The following TRAPPC6B variants were observed in gnomAD, a reference collection of about 807,000 sequenced individuals.
The protein encoded by TRAPPC6B is trafficking protein particle complex subunit 6B.
A neutral mutation model predicts 24.7 loss-of-function variants in TRAPPC6B; 27 were observed. The observed-to-expected ratio is 1.09, with a 90% CI of 0.81 to 1.51. The LOEUF (loss-of-function observed/expected upper bound fraction) is 1.51, where lower values mean the gene tolerates loss of function less well. TRAPPC6B is among the 40% of genes most tolerant of loss of function. TRAPPC6B has a pLI of 0.00. For missense variants in TRAPPC6B, 212 were observed against 190.8 expected (o/e 1.11, Z -0.66); for synonymous variants, 80 against 66.6 (o/e 1.20, Z -0.98).
At position 39,149,270 on chromosome 14, in the gene TRAPPC6B, G is replaced by C. The variant is rs1594531075; in HGVS notation, c.*1080C>G. On this transcript the variant is annotated 3_prime_UTR_variant, in exon 6 of 6. Transcript: ENST00000330149. ...CTTAATCTGCCATTTCTATGGCAGA[G>C]TACCCAGTGAAACATCTTGTTTGGT... 6.6e-6 allele frequency: 1 copy of C among 152,190 alleles called. No homozygotes were observed. The highest frequency in any genetic ancestry group is 1.5e-5 in the Non-Finnish European group (1 of 68,078). 9.4% of individuals were successfully genotyped at this position (152,190 alleles called of 1,614,324 possible). A position where few individuals can be genotyped will look rare whatever the true frequency, so the allele number is the denominator to read the frequency against.
At chr14:39,153,267 A>G (rs77911024) in intron 4 of TRAPPC6B, among the ~76,000 whole-genome samples, 5 of 151,750 alleles carry the variant, frequency 3.3e-5, no homozygotes, top group Non-Finnish European at 4.4e-5. Context: ...AAAAAAAAAA[A>G]AGAGAGAAAA....
At chr14:39,153,595 C>T (rs570964106) in intron 4 of TRAPPC6B, among the ~76,000 whole-genome samples, 2 of 149,834 alleles carry the variant, frequency 1.3e-5, no homozygotes, top group African/African-American at 4.9e-5. Context: ...TGTACCACTA[C>T]ACTCCAGCCT....
chr14:39,167,951 C>T (rs1466268377), intron 1 of TRAPPC6B, among the ~76,000 whole-genome samples: 11 of 152,062 alleles, frequency 7.2e-5, no homozygotes, highest in Non-Finnish European at 1.6e-4. Context: ...CAGTGGCTTA[C>T]GCTTGTAATC....
At position 39,161,193 on chromosome 14, in the gene TRAPPC6B, C is replaced by G. The variant is rs141714239; in HGVS notation, c.82-1643G>C. Among the ~76,000 whole-genome samples the G allele has an allele frequency of 1.7e-3, 259 of 152,264 alleles. 2 individuals are homozygous for G. The highest frequency in any genetic ancestry group is 5.8e-3 in the African/African-American group (241 of 41,566). On this transcript the variant is annotated intron_variant, in intron 1 of 5. Coordinates refer to ENST00000330149, the MANE Select transcript of TRAPPC6B (RefSeq NM_001079537.2). ...CTGTGGTTAAGGCTTGTATCTTCAC[C>G]CTTGAAAAGGCCCACATTCTATCAC...
At chr14:39,155,251 A>T (rs946974368) in intron 3 of TRAPPC6B, among the ~76,000 whole-genome samples, 22 of 151,740 alleles carry the variant, frequency 1.4e-4, no homozygotes, top group Non-Finnish European at 7.4e-5. Context: ...TTATTTATTT[A>T]TTTTTTTGAG....
rs1566553504 is a variant in TRAPPC6B, at chr14:39,170,043, A to G, written c.53T>C (p.Val18Ala). ...LLLHNEMVSG[V>A]YKSAEQGEVE... Reference sequence around the variant, plus strand: ...CTCCCCCTGCTCCGCGGACTTGTACACTCCAGACACCATCTCGTTATGGAG... The same window carrying G: ...CTCCCCCTGCTCCGCGGACTTGTACGCTCCAGACACCATCTCGTTATGGAG... The change falls in exon 1 of 6, where the codon GTG becomes GCG. Residue 18 changes from valine (V) to alanine (A), a missense_variant. Coordinates refer to ENST00000330149, the MANE Select transcript of TRAPPC6B (RefSeq NM_001079537.2). 1 of 1,613,978 alleles carries G rather than the reference A, an allele frequency of 6.2e-7. No individual in the cohort carries two copies.
intron 3 of TRAPPC6B, chr14:39,157,493 C>T (rs1255833093): frequency 5.1e-6 from 2 of 390,486 alleles, no homozygotes; most frequent in Non-Finnish European, 1.0e-5. Flanking sequence ...ACCATCTCCA[C>T]CTTGGAGGAG....
intron 3 of TRAPPC6B, among the ~76,000 whole-genome samples, chr14:39,155,077 T>G (rs1179507244): frequency 6.6e-6 from 1 of 151,820 alleles, no homozygotes; most frequent in Non-Finnish European, 1.5e-5. Flanking sequence ...CACAGACACA[T>G]GCCACCACAC....
chr14:39,168,810 T>C (rs1049586847), intron 1 of TRAPPC6B, among the ~76,000 whole-genome samples: 86 of 152,326 alleles, frequency 5.6e-4, no homozygotes, highest in African/African-American at 1.9e-3. Flanking sequence ...CATCTCCTCC[T>C]GCAGTGACTC....
chr14:39,158,604 A>C, intron 2 of TRAPPC6B: 1 of 450,718 alleles, frequency 2.2e-6, no homozygotes, highest in Non-Finnish European at 3.9e-6. Context: ...TGCAACGTCT[A>C]CCTCCCTCCC....
chr14:39,159,743 CTTTTT>C (rs76405968), intron 1 of TRAPPC6B, among the ~76,000 whole-genome samples, 193 bp from the exon 2 acceptor site: 1 of 151,222 alleles, frequency 6.6e-6, no homozygotes. Flanking sequence ...TTACTTTTTA[CTTTTT>C]TTTTGATAAA....
At chr14:39,155,355 C>T (rs1019361629) in intron 3 of TRAPPC6B, among the ~76,000 whole-genome samples, 13 of 152,142 alleles carry the variant, frequency 8.5e-5, no homozygotes, top group Non-Finnish European at 1.5e-4. Context: ...GATTCTCCTG[C>T]CTCAGCCTCC....
chr14:39,157,380 G>A (rs1364155782), intron 3 of TRAPPC6B: 4 of 329,524 alleles, frequency 1.2e-5, no homozygotes, highest in African/African-American at 6.6e-5. Context: ...CAAAGACAAA[G>A]CAAGAAAATA....
chr14:39,165,247 A>G (rs1566551125), intron 1 of TRAPPC6B, among the ~76,000 whole-genome samples: 1 of 151,996 alleles, frequency 6.6e-6, no homozygotes, highest in African/African-American at 2.4e-5. Flanking sequence ...GGGTTTCACC[A>G]TGTTAGCCAG....
At position 39,149,449 on chromosome 14, in the gene TRAPPC6B, G is replaced by A. The variant is rs2139374171; in HGVS notation, c.*901C>T. 1 of 152,210 alleles carries A rather than the reference G, an allele frequency of 6.6e-6. No homozygotes were observed. The highest frequency in any genetic ancestry group is 1.9e-4 in the East Asian group (1 of 5,198). 9.4% of individuals were successfully genotyped at this position (152,210 alleles called of 1,614,324 possible). A position where few individuals can be genotyped will look rare whatever the true frequency, so the allele number is the denominator to read the frequency against. ...TGCTTATGCCAGATAATTTAAGTAAGAGAAAGTAAGTAGAAGAGGTGGTAA... is the reference window on the plus strand; with the variant it reads ...TGCTTATGCCAGATAATTTAAGTAAAAGAAAGTAAGTAGAAGAGGTGGTAA... On this transcript the variant is annotated 3_prime_UTR_variant, in exon 6 of 6. Coordinates refer to ENST00000330149, the MANE Select transcript of TRAPPC6B (RefSeq NM_001079537.2).
In TRAPPC6B at chr14:39,170,044, C is replaced by T; in HGVS notation, c.52G>A (p.Val18Met). Residue 18 changes from valine to methionine, a missense_variant, in exon 1 of 6, where the codon GTG becomes ATG. Transcript: ENST00000330149. ...TCCCCCTGCTCCGCGGACTTGTACA[C>T]TCCAGACACCATCTCGTTATGGAGA... ...LLLHNEMVSG[V>M]YKSAEQGEVE... The T allele has an allele frequency of 6.2e-7, 1 of 1,614,212 alleles. No individual in the cohort carries two copies. Among genetic ancestry groups the T allele is most frequent in the Non-Finnish European group, 8.5e-7 (1 of 1,180,034 alleles).
chr14:39,154,169 C>T, intron 4 of TRAPPC6B, 42 bp downstream of exon 4: 1 of 1,227,884 alleles, frequency 8.1e-7, no homozygotes, highest in Non-Finnish European at 1.2e-6. Context: ...TCCCTGTAGT[C>T]CTACTATTAA....
chr14:39,159,798 C>T (rs1157999576), intron 1 of TRAPPC6B, among the ~76,000 whole-genome samples: 2 of 151,894 alleles, frequency 1.3e-5, no homozygotes, highest in African/African-American at 2.4e-5. Flanking sequence ...ACATGATTAA[C>T]CTAAAAACTT....
intron 3 of TRAPPC6B, chr14:39,157,575 CT>C: frequency 2.6e-6 from 1 of 380,674 alleles, no homozygotes; most frequent in South Asian, 2.0e-5. Flanking sequence ...TCCTGCCTGC[CT>C]TGTGTCATAA....
Sources: gnomAD v4.1 joint callset for allele counts (sites outside exome capture counted in the v4.1 genomes callset) on GRCh38, gnomAD v4.1.1 for gene constraint, MANE v1.5 for transcripts, NCBI Gene and HGNC (gene_info 2026-07-23, HGNC 2026-07-21) for gene names.